The following EBF2 variants were observed in gnomAD, a reference collection of about 807,000 sequenced individuals.
EBF2 encodes transcription factor COE2.
In EBF2, 21 loss-of-function variants were observed where a neutral mutation model predicts 72.8. The observed-to-expected ratio is 0.29, with a 90% CI of 0.20 to 0.42. The LOEUF is 0.42. Among genes scored for constraint, EBF2 ranks in the 10% least tolerant of loss-of-function variants. EBF2 has a pLI of 1.00. For missense variants in EBF2, 637 were observed against 731.2 expected (o/e 0.87, Z 1.49); for synonymous variants, 299 against 274.2 (o/e 1.09, Z -0.89).
At chr8:26,002,972 G>C (rs1357228256) in intron 6 of EBF2, among the ~76,000 whole-genome samples, 1 of 148,820 alleles carries the variant, frequency 6.7e-6, no homozygotes, top group Non-Finnish European at 1.5e-5. Context: ...GCAGGCAGGT[G>C]GCCCTGGACA....
At chr8:26,006,631 T>G (rs1186697585) in intron 6 of EBF2, among the ~76,000 whole-genome samples, 1 of 152,236 alleles carries the variant, frequency 6.6e-6, no homozygotes, top group Non-Finnish European at 1.5e-5. Context: ...TCCATGACAC[T>G]GTCTCCTTGC....
At position 25,950,195 on chromosome 8, in the gene EBF2, C is replaced by T. The variant is rs557039722; in HGVS notation, c.552-41640G>A. Among the ~76,000 whole-genome samples the T allele has an allele frequency of 7.9e-4, 121 of 152,294 alleles. 1 individual carries two copies. Among genetic ancestry groups the T allele is most frequent in the African/African-American group, 2.6e-3 (107 of 41,564 alleles). On this transcript the variant is annotated intron_variant, in intron 6 of 15. Transcript: ENST00000520164. ...ACTCACTGATGAATAACAGAATGTT[C>T]GCTAGATTACATTACTTTTGCAAAG...
intron 7 of EBF2, among the ~76,000 whole-genome samples, chr8:25,891,330 A>C (rs965033294): frequency 6.6e-6 from 1 of 152,074 alleles, no homozygotes; most frequent in African/African-American, 2.4e-5. Flanking sequence ...CACCCTAGAC[A>C]TGGGTCTATT....
chr8:26,033,496 C>T (rs893852416), intron 5 of EBF2, among the ~76,000 whole-genome samples: 5 of 152,214 alleles, frequency 3.3e-5, no homozygotes, highest in African/African-American at 1.2e-4. Flanking sequence ...TCCCAAAGTG[C>T]TGGGATTACT....
At chr8:25,889,631 A>AG in intron 8 of EBF2, 121 bp downstream of exon 8, 1 of 773,764 alleles carries the variant, frequency 1.3e-6, no homozygotes, top group Non-Finnish European at 2.1e-6. Flanking sequence ...TAAAAAAAAA[A>AG]AAACCCACAT....
chr8:26,009,795 G>C (rs1804947018), intron 6 of EBF2, among the ~76,000 whole-genome samples: 2 of 152,216 alleles, frequency 1.3e-5, no homozygotes, highest in African/African-American at 4.8e-5. Context: ...ACCCCAGTTA[G>C]AAATTCAGTG....
At chr8:26,037,311 C>A (rs533042311) in intron 5 of EBF2, among the ~76,000 whole-genome samples, 1 of 152,118 alleles carries the variant, frequency 6.6e-6, no homozygotes, top group African/African-American at 2.4e-5. Context: ...GAGAGTGTCC[C>A]GTCAGCCAAA....
intron 6 of EBF2, among the ~76,000 whole-genome samples, chr8:25,945,707 A>G (rs1363606589): frequency 6.6e-6 from 1 of 151,776 alleles, no homozygotes; most frequent in Non-Finnish European, 1.5e-5. Context: ...TAGGTCTGTC[A>G]CTGAAATTAT....
intron 7 of EBF2, among the ~76,000 whole-genome samples, chr8:25,905,073 G>A (rs1004077049): frequency 6.6e-6 from 1 of 152,094 alleles, no homozygotes; most frequent in Non-Finnish European, 1.5e-5. Context: ...ATATACAAAT[G>A]AGCAATAAGC....
intron 7 of EBF2, among the ~76,000 whole-genome samples, chr8:25,905,135 CCACAAT>C (rs1177478806): frequency 6.6e-6 from 1 of 152,080 alleles, no homozygotes; most frequent in African/African-American, 2.4e-5. Flanking sequence ...CAAATCAAAA[CCACAAT>C]GAGATACCTC....
chr8:26,030,273 A>G (rs1489524718), intron 6 of EBF2, among the ~76,000 whole-genome samples: 1 of 152,186 alleles, frequency 6.6e-6, no homozygotes, highest in Non-Finnish European at 1.5e-5. Flanking sequence ...CTCATTGTTC[A>G]ATTCCCACCT....
intron 6 of EBF2, among the ~76,000 whole-genome samples, chr8:25,983,822 C>A (rs1012817127): frequency 6.6e-6 from 1 of 152,240 alleles, no homozygotes; most frequent in Non-Finnish European, 1.5e-5. Flanking sequence ...AGGACTTCAC[C>A]GCTTGGTATC....
At chr8:25,903,683 C>T (rs1303378563) in intron 7 of EBF2, among the ~76,000 whole-genome samples, 5 of 151,834 alleles carry the variant, frequency 3.3e-5, no homozygotes, top group African/African-American at 7.3e-5. Flanking sequence ...GGCGACAGAG[C>T]GAGACTCCGT....
rs373346266 is a variant in EBF2 at position 25,903,633 on chromosome 8, T to C, written c.633+4841A>G. Among the ~76,000 whole-genome samples, 347 of 149,862 alleles carry C rather than the reference T, an allele frequency of 2.3e-3. 2 individuals are homozygous for C. The highest frequency in any genetic ancestry group is 7.7e-3 in the African/African-American group (315 of 40,684). ...AATGGCGTGAATCCGGGAGGCGGAG[T>C]TTGCAGTGAGCCGAGATCGCGCCAC... On this transcript the variant is annotated intron_variant, in intron 7 of 15. Coordinates refer to ENST00000520164, the MANE Select transcript of EBF2 (RefSeq NM_022659.4).
chr8:25,896,399 C>T (rs1802864550), intron 7 of EBF2, among the ~76,000 whole-genome samples: 1 of 152,172 alleles, frequency 6.6e-6, no homozygotes, highest in African/African-American at 2.4e-5. Flanking sequence ...GCACACTCCA[C>T]ATTGAAGACT....
intron 8 of EBF2, 129 bp from the exon 9 acceptor site, chr8:25,888,101 C>T (rs531031521): frequency 4.9e-6 from 5 of 1,021,532 alleles, no homozygotes; most frequent in East Asian, 5.3e-5. Flanking sequence ...CTAACGATAA[C>T]TGATGAGCTA....
chr8:25,907,517 C>A (rs930261149), intron 7 of EBF2, among the ~76,000 whole-genome samples: 1 of 150,916 alleles, frequency 6.6e-6, no homozygotes, highest in African/African-American at 2.4e-5. Context: ...GTGTCGCATG[C>A]CCACAGTGTG....
Position 25,919,704 on chromosome 8 carries a change from C to T in EBF2, c.552-11149G>A, listed in dbSNP as rs570669012. Among the ~76,000 whole-genome samples the T allele has an allele frequency of 3.5e-4, 54 of 152,320 alleles. 2 individuals are homozygous for T. In the South Asian group the frequency reaches 7.2e-3, roughly 20 times the overall value. On this transcript the variant is annotated intron_variant, in intron 6 of 15. Transcript: ENST00000520164. ...AAAGTTGAAAAGTACACCAGCACCT[C>T]GGAGGCTGTTGGCCAAAGCCGGGAG...
At chr8:25,941,006 C>A (rs544261878) in intron 6 of EBF2, among the ~76,000 whole-genome samples, 1 of 152,224 alleles carries the variant, frequency 6.6e-6, no homozygotes, top group Non-Finnish European at 1.5e-5. Context: ...TTCACTCTGG[C>A]AAGATTTAAT....
Sources: gnomAD v4.1 joint callset for allele counts (sites outside exome capture counted in the v4.1 genomes callset) on GRCh38, gnomAD v4.1.1 for gene constraint, MANE v1.5 for transcripts, NCBI Gene and HGNC (gene_info 2026-07-23, HGNC 2026-07-21) for gene names.